Variants in RABGAP1L observed in about 807,000 individuals in gnomAD.
RABGAP1L encodes rab GTPase-activating protein 1-like.
A neutral mutation model predicts 137.7 loss-of-function variants in RABGAP1L; 63 were observed. The observed-to-expected ratio is 0.46, with a 90% CI of 0.37 to 0.56. The LOEUF (loss-of-function observed/expected upper bound fraction) is 0.56, where lower values mean the gene tolerates loss of function less well. Ranked by LOEUF, RABGAP1L falls within the 20% of genes least tolerant of loss-of-function variation. The pLI, the probability that RABGAP1L is intolerant of heterozygous loss-of-function variation, is 0.00. For synonymous variants in RABGAP1L, 431 were observed against 433.7 expected, an observed-to-expected ratio of 0.99 and a Z score of 0.08; for missense variants, 1,095 against 1,244.0, an observed-to-expected ratio of 0.88 and a Z score of 1.80.
intron 13 of RABGAP1L, among the ~76,000 whole-genome samples, chr1:174,445,639 TAGAG>T (rs937148017): frequency 1.4e-4 from 22 of 152,276 alleles, no homozygotes; most frequent in Non-Finnish European, 3.2e-4. Flanking sequence ...CTATATATTT[TAGAG>T]AGAAGTTAGT....
intron 13 of RABGAP1L, among the ~76,000 whole-genome samples, chr1:174,603,066 G>C (rs1382092469): frequency 6.6e-6 from 1 of 152,058 alleles, no homozygotes; most frequent in Non-Finnish European, 1.5e-5. Flanking sequence ...TGCAGCCTGG[G>C]CTTGTTTGTT....
chr1:174,161,341 C>T (rs1461222017), intron 1 of RABGAP1L, among the ~76,000 whole-genome samples: 1 of 151,954 alleles, frequency 6.6e-6, no homozygotes, highest in Non-Finnish European at 1.5e-5. Context: ...CTCCCGGGTT[C>T]AAGCGATTCT....
rs533304064 is a variant in RABGAP1L at position 174,581,561 on chromosome 1, G to A, written c.1711-55814G>A. On this transcript the variant is annotated intron_variant, in intron 13 of 25. Transcript: ENST00000681986. ...GTAGGAGAATCAGAATTATTGGAGG[G>A]TGATGACAAAAAGATACGATGTTTA... Among the ~76,000 whole-genome samples, 40 of 152,306 alleles carry A rather than the reference G, an allele frequency of 2.6e-4. 1 individual carries two copies. In the South Asian group the frequency reaches 7.1e-3, roughly 27 times the overall value.
intron 14 of RABGAP1L, among the ~76,000 whole-genome samples, chr1:174,669,172 T>C (rs1249959204): frequency 6.6e-6 from 1 of 152,112 alleles, no homozygotes; most frequent in East Asian, 1.9e-4. Flanking sequence ...AGGCACCTTC[T>C]TCACAGGGCG....
chr1:174,936,971 ATTTTTTT>A (rs909397955), intron 19 of RABGAP1L, among the ~76,000 whole-genome samples: 1,217 of 101,552 alleles, frequency 0.012, 26 homozygotes, highest in African/African-American at 0.049. Flanking sequence ...TATAAGATTA[ATTTTTTT>A]TTTTTTTTTT....
At chr1:174,721,102 A>G (rs1468135403) in intron 17 of RABGAP1L, among the ~76,000 whole-genome samples, 2 of 152,196 alleles carry the variant, frequency 1.3e-5, no homozygotes, top group South Asian at 2.1e-4. Context: ...ACAGTTGTGT[A>G]TACTTGTACA....
intron 17 of RABGAP1L, among the ~76,000 whole-genome samples, chr1:174,706,859 T>C (rs1406570453): frequency 2.0e-5 from 3 of 152,174 alleles, no homozygotes; most frequent in Non-Finnish European, 4.4e-5. Context: ...CTGTCTAACT[T>C]TTTTTAGTCA....
chr1:174,196,979 A>C (rs1667737793), intron 1 of RABGAP1L, among the ~76,000 whole-genome samples: 3 of 152,334 alleles, frequency 2.0e-5, no homozygotes, highest in African/African-American at 7.2e-5. Context: ...GATCATATTA[A>C]ATTTTTGATT....
chr1:174,242,087 CA>C (rs773875390), intron 5 of RABGAP1L, among the ~76,000 whole-genome samples: 2 of 152,152 alleles, frequency 1.3e-5, no homozygotes, highest in African/African-American at 2.4e-5. Flanking sequence ...ATTATTTTAT[CA>C]ATCTCTGTGG....
At chr1:174,247,275 TAC>T (rs1672344200) in intron 5 of RABGAP1L, among the ~76,000 whole-genome samples, 1 of 152,232 alleles carries the variant, frequency 6.6e-6, no homozygotes, top group African/African-American at 2.4e-5. Context: ...CAAAATTACA[TAC>T]AGGTGTTCTC....
chr1:174,847,633 C>T (rs1329549214), intron 19 of RABGAP1L, among the ~76,000 whole-genome samples: 2 of 132,622 alleles, frequency 1.5e-5, no homozygotes, highest in African/African-American at 2.9e-5. Flanking sequence ...GAGGGTAACC[C>T]GACCTTTCTC....
chr1:174,189,666 T>G (rs1667068244), intron 1 of RABGAP1L, among the ~76,000 whole-genome samples: 1 of 152,196 alleles, frequency 6.6e-6, no homozygotes, highest in African/African-American at 2.4e-5. Context: ...ACTGACTCAT[T>G]GCTTTTTAAG....
rs79531223 is a variant in RABGAP1L, at chr1:174,544,828, C to T, written c.1711-92547C>T. 9.2e-3 allele frequency: 1,612 copies of T among 174,380 alleles called. 25 individuals carry two copies. The highest frequency in any genetic ancestry group is 0.034 in the African/African-American group (1,439 of 41,934). 10.8% of individuals were successfully genotyped at this position (174,380 alleles called of 1,614,324 possible). A position where few individuals can be genotyped will look rare whatever the true frequency, so the allele number is the denominator to read the frequency against. ...TTGTTAGTTTTCCTTCTAACAGTCA[C>T]GACCCTCTGTTGCAGGTCTGTTGGA... On this transcript the variant is annotated intron_variant, in intron 13 of 25. Coordinates refer to ENST00000681986, the MANE Select transcript of RABGAP1L (RefSeq NM_001366446.1).
chr1:174,357,495 C>T (rs1432898494), intron 11 of RABGAP1L, among the ~76,000 whole-genome samples: 2 of 152,158 alleles, frequency 1.3e-5, no homozygotes, highest in Non-Finnish European at 2.9e-5. Context: ...AGTCCCAGCA[C>T]TCAAAGAGCC....
intron 13 of RABGAP1L, among the ~76,000 whole-genome samples, chr1:174,461,790 T>C (rs1044594530): frequency 9.2e-5 from 14 of 152,184 alleles, no homozygotes; most frequent in African/African-American, 3.1e-4. Context: ...AATATACCTA[T>C]CATTTAATAT....
chr1:174,343,338 T>C (rs1682147452), intron 11 of RABGAP1L, among the ~76,000 whole-genome samples: 1 of 152,222 alleles, frequency 6.6e-6, no homozygotes, highest in Admixed American at 6.5e-5. Flanking sequence ...TATGGAGATC[T>C]GTTTTTGTAT....
chr1:174,475,868 A>G, intron 13 of RABGAP1L, among the ~76,000 whole-genome samples: 1 of 151,868 alleles, frequency 6.6e-6, no homozygotes, highest in Non-Finnish European at 1.5e-5. Flanking sequence ...GTATAAACCT[A>G]AATTCGCAAT....
In RABGAP1L at chr1:174,448,801, C is replaced by T. The variant is rs1655094267; in HGVS notation, c.1710+54656C>T. The T allele has an allele frequency of 1.1e-5, 17 of 1,613,962 alleles. No homozygotes were observed. Among genetic ancestry groups the T allele is most frequent in the Non-Finnish European group, 1.4e-5 (16 of 1,179,884 alleles). ...CTTACTTCCACATTTTCAAAATTTG[C>T]CGTCAGCACACCAAAGAGATAAATG... is the stretch of plus-strand genomic sequence containing the variant. On this transcript the variant is annotated intron_variant, in intron 13 of 25. Transcript: ENST00000681986. This position sits in a 1 kb window ranked among gnomAD's most constrained non-coding sequence, Gnocchi z 4.2.
At chr1:174,611,135 C>T (rs1310581030) in intron 13 of RABGAP1L, among the ~76,000 whole-genome samples, 2 of 148,436 alleles carry the variant, frequency 1.3e-5, no homozygotes, top group Non-Finnish European at 3.0e-5. Context: ...TTGCCCATGC[C>T]TATGTCCTGA....
Sources: gnomAD v4.1 joint callset for allele counts (sites outside exome capture counted in the v4.1 genomes callset) on GRCh38, gnomAD v4.1.1 for gene constraint, Gnocchi (gnomAD v3.1) non-coding constraint, MANE v1.5 for transcripts, NCBI Gene and HGNC (gene_info 2026-07-23, HGNC 2026-07-21) for gene names.